SCAMP2: variants seen among roughly 807,000 people sequenced by gnomAD.
SCAMP2 encodes secretory carrier membrane protein 2.
A neutral mutation model predicts 44.1 loss-of-function variants in SCAMP2; 25 were observed. The observed-to-expected ratio is 0.57, with a 90% CI of 0.41 to 0.79. The LOEUF is 0.79. Ranked by LOEUF, SCAMP2 falls within the 30% of genes least tolerant of loss-of-function variation. SCAMP2 has a pLI of 0.00. For synonymous variants in SCAMP2, 156 were observed against 166.0 expected (o/e 0.94, Z 0.46); for missense variants, 355 against 411.0 (o/e 0.86, Z 1.18).
At chr15:74,853,474 T>G (rs2064448575) in intron 3 of SCAMP2, 1 of 456,358 alleles carries the variant, frequency 2.2e-6, no homozygotes, top group Admixed American at 2.4e-5. Flanking sequence ...AGGCGGGAAC[T>G]TGCTGGCCTG....
At chr15:74,863,645 G>T (rs2064523632) in intron 1 of SCAMP2, among the ~76,000 whole-genome samples, 1 of 152,104 alleles carries the variant, frequency 6.6e-6, no homozygotes, top group Non-Finnish European at 1.5e-5. Flanking sequence ...CCAGGACCTG[G>T]CACCAATCCT....
At chr15:74,863,511 C>CA (rs753844483) in intron 1 of SCAMP2, among the ~76,000 whole-genome samples, 2,092 of 131,932 alleles carry the variant, frequency 0.016, 22 homozygotes, top group African/African-American at 0.03. Flanking sequence ...ACCCCATCTC[C>CA]AAAAAAAAAA....
intron 1 of SCAMP2, among the ~76,000 whole-genome samples, chr15:74,865,718 G>A (rs1301271988): frequency 6.7e-6 from 1 of 148,306 alleles, no homozygotes; most frequent in Non-Finnish European, 1.5e-5. Context: ...TTGGGAGGTT[G>A]AGGCAGGATT....
In SCAMP2 at chr15:74,851,407, CTG is replaced by C; in HGVS notation, c.416_417del (p.Thr139ArgfsTer69). The C allele has an allele frequency of 6.2e-7, 1 of 1,614,080 alleles. No homozygotes were observed. The highest frequency in any genetic ancestry group is 8.5e-7 in the Non-Finnish European group (1 of 1,179,958). Reference protein sequence around the residue: ...VKPCFYQDFSTEIPADYQRIC... With the variant: ...VKPCFYQDFSXEIPADYQRIC... ...ATCCGCTGGTAGTCGGCAGGGATCT[CTG>C]TGGAGAAATCCTGATAGAAGCAGGG... is the stretch of plus-strand genomic sequence containing the variant. On this transcript the variant is annotated frameshift_variant, in exon 5 of 9. Coordinates refer to ENST00000268099, the MANE Select transcript of SCAMP2 (RefSeq NM_005697.5). LOFTEE classifies it high-confidence loss of function.
chr15:74,845,976 A>G (rs557705509), intron 7 of SCAMP2, among the ~76,000 whole-genome samples: 3 of 151,942 alleles, frequency 2.0e-5, no homozygotes, highest in African/African-American at 7.2e-5. Context: ...TGGGCAACAG[A>G]GGGAGGCCCT....
intron 8 of SCAMP2, 54 bp downstream of exon 8, chr15:74,845,419 G>T: frequency 6.2e-7 from 1 of 1,613,270 alleles, no homozygotes; most frequent in East Asian, 2.2e-5. Context: ...GCAAGGGCAG[G>T]AAACGGTTGC....
Position 74,854,520 on chromosome 15 carries a change from C to T in SCAMP2, c.126+61G>A, listed in dbSNP as rs74831792. The T allele has an allele frequency of 0.01, 14,027 of 1,396,474 alleles. 1,098 individuals carry two copies. The African/African-American group carries it at 0.18, about 17-fold the overall frequency. The allele number at this position is 1,396,474 out of a possible 1,614,324, so 86.5% of individuals were successfully genotyped here. A position where few individuals can be genotyped will look rare whatever the true frequency, so the allele number is the denominator to read the frequency against. Reference sequence around the variant, plus strand: ...CTGTCCTTGCCAAGGATCCCTGCCCCGGACACCCCAGCACCACCCTAGAGG... The same window carrying T: ...CTGTCCTTGCCAAGGATCCCTGCCCTGGACACCCCAGCACCACCCTAGAGG... On this transcript the variant is annotated intron_variant, in intron 2 of 8. Coordinates refer to ENST00000268099, the MANE Select transcript of SCAMP2 (RefSeq NM_005697.5).
In SCAMP2 at chr15:74,851,460, G is replaced by A; in HGVS notation, c.365C>T (p.Pro122Leu). 2 of 1,613,974 alleles carry A rather than the reference G, an allele frequency of 1.2e-6. No homozygotes were observed. Among genetic ancestry groups the A allele is most frequent in the Non-Finnish European group, 1.7e-6 (2 of 1,179,864 alleles). The change falls in exon 5 of 9, where the codon CCT becomes CTT. Residue 122 changes from proline (P) to leucine (L), a missense_variant. Pro to Leu is a moderately conservative substitution (Grantham distance 98). Transcript: ENST00000268099. ...NLHVRQNNWP[P>L]LPSWCPVKPC... The stretch of plus-strand genomic sequence containing the variant: ...CTTCACAGGGCACCACGAGGGCAGA[G>A]GGGGCCAGTTGTTCTGTCTCACTGG...
intron 6 of SCAMP2, 31 bp downstream of exon 6, chr15:74,850,483 A>G: frequency 6.2e-7 from 1 of 1,608,060 alleles, no homozygotes; most frequent in Non-Finnish European, 8.5e-7. Context: ...GCCAGCCATA[A>G]AGTCTCACCC....
intron 1 of SCAMP2, among the ~76,000 whole-genome samples, chr15:74,863,389 T>C (rs1405571764): frequency 6.7e-6 from 1 of 149,922 alleles, no homozygotes; most frequent in Admixed American, 6.6e-5. Context: ...TGGGTACCTG[T>C]GGTCCCAGCT....
chr15:74,854,442 C>T lies in SCAMP2; in HGVS notation c.126+139G>A, dbSNP rs966299666. On this transcript the variant is annotated intron_variant, in intron 2 of 8. Coordinates refer to ENST00000268099, the MANE Select transcript of SCAMP2 (RefSeq NM_005697.5). ...GCTTTGCCATCCTTACCCTGCCTCC[C>T]GGGTTCATGTTAGGACTGTCCCTTT... 1.0e-4 allele frequency: 81 copies of T among 785,362 alleles called. No individual in the cohort carries two copies. The Middle Eastern group carries it at 3.1e-3, about 30-fold the overall frequency. The allele number at this position is 785,362 out of a possible 1,614,324, so 48.6% of individuals were successfully genotyped here. A position where few individuals can be genotyped will look rare whatever the true frequency, so the allele number is the denominator to read the frequency against.
chr15:74,847,474 A>T (rs531566440), intron 7 of SCAMP2, among the ~76,000 whole-genome samples: 1 of 152,330 alleles, frequency 6.6e-6, no homozygotes, highest in Admixed American at 6.5e-5. Context: ...TTACTTAGGT[A>T]AGGAGTAATG....
rs769727848 is a variant in SCAMP2 at position 74,845,588 on chromosome 15, C to G, written c.740G>C (p.Trp247Ser). Residue 247 changes from tryptophan to serine, a missense_variant, in exon 8 of 9, where the codon TGG becomes TCG. Physicochemically the swap from Trp to Ser is radical, Grantham distance 177. Coordinates refer to ENST00000268099, the MANE Select transcript of SCAMP2 (RefSeq NM_005697.5). ...VGIPGLGDSG[W>S]IAALSTLDNH... ...ATCCAGTGTAGACAGGGCTGCAATCCAACCGCTATAAAGGGAAGAAGAGGC... is the reference window on the plus strand; with the variant it reads ...ATCCAGTGTAGACAGGGCTGCAATCGAACCGCTATAAAGGGAAGAAGAGGC... 1 of 1,613,994 alleles carries G rather than the reference C, an allele frequency of 6.2e-7. No individual in the cohort carries two copies. Among genetic ancestry groups the G allele is most frequent in the East Asian group, 2.2e-5 (1 of 44,874 alleles).
At chr15:74,866,071 A>G (rs1000392905) in intron 1 of SCAMP2, among the ~76,000 whole-genome samples, 1 of 151,888 alleles carries the variant, frequency 6.6e-6, no homozygotes, top group African/African-American at 2.4e-5. Context: ...GAAAAAAAAG[A>G]AAGACAAAGT....
chr15:74,848,690 G>T lies in SCAMP2; in HGVS notation c.644C>A (p.Ser215Tyr). 6.2e-7 allele frequency: 1 copy of T among 1,612,614 alleles called. No homozygotes were observed. The highest frequency in any genetic ancestry group is 8.5e-7 in the Non-Finnish European group (1 of 1,178,712). ...PIYKAFRSDN[S>Y]FSFFVFFFVF... ...AAAGAAGAACACAAAGAAGCTGAAA[G>T]AGTTGTCGGACCTGTGGAGAGAGAG... is the stretch of plus-strand genomic sequence containing the variant. Residue 215 changes from serine (S) to tyrosine (Y), a missense_variant, in exon 7 of 9, where the codon TCT (serine) becomes TAT (tyrosine). Ser to Tyr is a moderately radical substitution (Grantham distance 144). Transcript: ENST00000268099.
chr15:74,845,266 G>A, intron 8 of SCAMP2, 49 bp from the exon 9 acceptor site: 1 of 1,601,252 alleles, frequency 6.2e-7, no homozygotes, highest in Non-Finnish European at 8.5e-7. Flanking sequence ...GGGCCCACCA[G>A]GAAGCCAGCC....
At chr15:74,862,409 C>A (rs970162978) in intron 1 of SCAMP2, among the ~76,000 whole-genome samples, 1 of 151,772 alleles carries the variant, frequency 6.6e-6, no homozygotes, top group African/African-American at 2.4e-5. Flanking sequence ...AAACCTCTCA[C>A]TACTAAAAAT....
rs1382642164 is a variant in SCAMP2, at chr15:74,870,153, C to A, written c.57+3046G>T. ...CTCCCCACCAGATGTGGCTGGTTGA[C>A]AGGACCACAGCTGCTTCCTGTCATG... On this transcript the variant is annotated intron_variant, in intron 1 of 8. Coordinates refer to ENST00000268099, the MANE Select transcript of SCAMP2 (RefSeq NM_005697.5). 3.3e-5 allele frequency among the ~76,000 whole-genome samples: 5 copies of A among 152,328 alleles called. No homozygotes were observed. In the East Asian group the frequency reaches 9.6e-4, roughly 29 times the overall value.
chr15:74,872,077 A>C (rs1335423476), intron 1 of SCAMP2, among the ~76,000 whole-genome samples: 1 of 151,322 alleles, frequency 6.6e-6, no homozygotes, highest in Non-Finnish European at 1.5e-5. Flanking sequence ...AAAAAAAAGG[A>C]AAAGAAAGAA....
Sources: allele counts gnomAD v4.1 joint callset (sites outside exome capture counted in the v4.1 genomes callset), GRCh38; gene constraint gnomAD v4.1.1; transcripts MANE v1.5; gene names NCBI Gene and HGNC (gene_info 2026-07-23, HGNC 2026-07-21).